Variants in ABI1 observed in about 807,000 individuals in gnomAD.
ABI1 encodes Abelson interactor 1.
ABI1 carries 14 observed loss-of-function variants against 54.6 expected under a neutral mutation model. That is an observed-to-expected ratio of 0.26 (90% CI 0.17 to 0.40). The LOEUF (loss-of-function observed/expected upper bound fraction) is 0.40. Ranked by LOEUF, ABI1 falls within the 10% of genes least tolerant of loss-of-function variation. The pLI, the probability that ABI1 is intolerant of heterozygous loss-of-function variation, is 1.00. For missense variants in ABI1, 443 were observed against 598.3 expected (o/e 0.74, Z 2.71); for synonymous variants, 194 against 209.3 (o/e 0.93, Z 0.63).
At chr10:26,800,685 A>G (rs1430472746) in intron 2 of ABI1, among the ~76,000 whole-genome samples, 2 of 152,170 alleles carry the variant, frequency 1.3e-5, no homozygotes, top group Non-Finnish European at 2.9e-5. Flanking sequence ...GAGCCATGAC[A>G]GGACCATTAC....
intron 2 of ABI1, among the ~76,000 whole-genome samples, chr10:26,795,627 T>C (rs867255584): frequency 1.3e-5 from 2 of 151,294 alleles, no homozygotes; most frequent in African/African-American, 2.4e-5. Flanking sequence ...GAAAAGGAAA[T>C]TAAGAAAACA....
chr10:26,797,429 T>C (rs1844332547), intron 2 of ABI1, among the ~76,000 whole-genome samples: 1 of 152,204 alleles, frequency 6.6e-6, no homozygotes, highest in South Asian at 2.1e-4. Flanking sequence ...GAATTCCGCT[T>C]GTCATTGTAA....
At chr10:26,858,173 G>A (rs796979999) in intron 1 of ABI1, among the ~76,000 whole-genome samples, 1 of 152,128 alleles carries the variant, frequency 6.6e-6, no homozygotes, top group Non-Finnish European at 1.5e-5. Flanking sequence ...ACTGAGAAGA[G>A]ATATATATTT....
At chr10:26,801,276 G>C (rs779116606) in intron 2 of ABI1, among the ~76,000 whole-genome samples, 1 of 151,944 alleles carries the variant, frequency 6.6e-6, no homozygotes, top group Non-Finnish European at 1.5e-5. Flanking sequence ...GGCCGGGCAC[G>C]GTGGCTCATA....
At position 26,771,095 on chromosome 10, in the gene ABI1, C is replaced by A; in HGVS notation, c.463-6G>T. 6.2e-7 allele frequency: 1 copy of A among 1,612,778 alleles called. No individual in the cohort carries two copies. The highest frequency in any genetic ancestry group is 8.5e-7 in the Non-Finnish European group (1 of 1,179,402). ...CTTACCTTGGCTTTTAGCCACTTTA[C>A]GTTGGCAAAAAAAGGGGGGGAAAAA... On this transcript the variant is annotated splice_region_variant and splice_polypyrimidine_tract_variant and intron_variant, in intron 3 of 10. Transcript: ENST00000376140.
chr10:26,802,865 C>T (rs1436396869), intron 2 of ABI1, among the ~76,000 whole-genome samples: 2 of 152,166 alleles, frequency 1.3e-5, no homozygotes, highest in Non-Finnish European at 2.9e-5. Context: ...CTGTTTTCTA[C>T]ACTAGCTGAA....
chr10:26,845,832 G>A (rs1473549469), intron 1 of ABI1, among the ~76,000 whole-genome samples: 1 of 151,950 alleles, frequency 6.6e-6, no homozygotes, highest in East Asian at 1.9e-4. Context: ...ACCATGATGA[G>A]TTCAGGCACT....
At chr10:26,848,456 G>A (rs1013797887) in intron 1 of ABI1, among the ~76,000 whole-genome samples, 2 of 151,886 alleles carry the variant, frequency 1.3e-5, no homozygotes, top group Non-Finnish European at 2.9e-5. Flanking sequence ...TAAATTTTTG[G>A]TATGAAATTT....
intron 6 of ABI1, among the ~76,000 whole-genome samples, chr10:26,767,201 TAAC>T (rs1840069946): frequency 1.3e-5 from 2 of 152,324 alleles, no homozygotes; most frequent in South Asian, 4.1e-4. Flanking sequence ...AAGAGTTCAA[TAAC>T]AACAAAGAGA....
At chr10:26,787,613 A>G (rs904579195) in intron 2 of ABI1, among the ~76,000 whole-genome samples, 1 of 152,218 alleles carries the variant, frequency 6.6e-6, no homozygotes, top group African/African-American at 2.4e-5. Context: ...GAACATTTGT[A>G]TAACAACAGC....
intron 2 of ABI1, among the ~76,000 whole-genome samples, chr10:26,792,048 C>G (rs912342059): frequency 3.3e-5 from 5 of 151,998 alleles, no homozygotes; most frequent in Admixed American, 2.0e-4. Flanking sequence ...AGCCCAAACA[C>G]AAGCAAAATT....
intron 1 of ABI1, among the ~76,000 whole-genome samples, chr10:26,829,149 C>G (rs1233460632): frequency 6.6e-6 from 1 of 151,704 alleles, no homozygotes. Flanking sequence ...TGGCGTGAAC[C>G]TGGGAGACGG....
chr10:26,782,652 G>A (rs1326265302), intron 2 of ABI1, among the ~76,000 whole-genome samples: 1 of 151,144 alleles, frequency 6.6e-6, no homozygotes, highest in Non-Finnish European at 1.5e-5. Context: ...GAACCAGGGA[G>A]TCAGAGGCTG....
rs776813895 is a variant in ABI1, at chr10:26,765,220, G to T, written c.818C>A (p.Pro273Gln). The T allele has an allele frequency of 2.2e-5, 35 of 1,595,824 alleles. No individual in the cohort carries two copies. The highest frequency in any genetic ancestry group is 3.0e-5 in the Non-Finnish European group (35 of 1,170,444). Residue 273 changes from proline to glutamine, a missense_variant and splice_region_variant, in exon 7 of 11, where the codon CCA (proline) becomes CAA (glutamine). Pro to Gln is a moderately conservative substitution (Grantham distance 76). Coordinates refer to ENST00000376140, the MANE Select transcript of ABI1 (RefSeq NM_001012750.3). ...ACATAGATTAATAAATAACACACCT[G>T]GTCCAATAGTGGGTGGCGAAGGTGT... The part of the protein sequence containing the change: ...VPTPSPPTIG[P>Q]AAPGSAPGSQ...
intron 2 of ABI1, among the ~76,000 whole-genome samples, chr10:26,821,243 TAAAA>T (rs34139312): frequency 8.7e-6 from 1 of 114,928 alleles, no homozygotes; most frequent in African/African-American, 3.5e-5. Flanking sequence ...AGACTCCATC[TAAAA>T]AAAAAAAAAA....
At chr10:26,775,020 A>G (rs1256879333) in intron 3 of ABI1, among the ~76,000 whole-genome samples, 1 of 152,152 alleles carries the variant, frequency 6.6e-6, no homozygotes, top group Non-Finnish European at 1.5e-5. Context: ...TACAAAAATA[A>G]TTCGAAAGCT....
chr10:26,847,806 A>G (rs1223556526), intron 1 of ABI1, among the ~76,000 whole-genome samples: 1 of 152,160 alleles, frequency 6.6e-6, no homozygotes, highest in Non-Finnish European at 1.5e-5. Context: ...CAGAGAAACA[A>G]CTAAAACAAA....
intron 1 of ABI1, among the ~76,000 whole-genome samples, chr10:26,841,635 T>C (rs1410148221): frequency 6.8e-6 from 1 of 147,734 alleles, no homozygotes; most frequent in Non-Finnish European, 1.5e-5. Flanking sequence ...ATTCACTCTG[T>C]ATATTTGACT....
At chr10:26,834,332 T>C (rs2048883999) in intron 1 of ABI1, among the ~76,000 whole-genome samples, 1 of 151,928 alleles carries the variant, frequency 6.6e-6, no homozygotes, top group South Asian at 2.1e-4. Context: ...TCAAATGGAA[T>C]TACATAAAGC....
Sources: allele counts gnomAD v4.1 joint callset (sites outside exome capture counted in the v4.1 genomes callset), GRCh38; gene constraint gnomAD v4.1.1; transcripts MANE v1.5; gene names NCBI Gene and HGNC (gene_info 2026-07-23, HGNC 2026-07-21).